Variants in KCNMA1 observed in about 807,000 individuals in gnomAD.
The protein encoded by KCNMA1 is Calcium-activated potassium channel subunit alpha-1.
In KCNMA1, 29 loss-of-function variants were observed where a neutral mutation model predicts 140.0. The ratio of observed to expected loss-of-function variants is 0.21; its 90% CI spans 0.15 to 0.28. The LOEUF (loss-of-function observed/expected upper bound fraction) is 0.28. Ranked by LOEUF, KCNMA1 falls within the 10% of genes least tolerant of loss-of-function variation. The pLI is 1.00. For synonymous variants in KCNMA1, 612 were observed against 611.9 expected, an observed-to-expected ratio of 1.00 and a Z score of 0.00; for missense variants, 880 against 1,602.2, an observed-to-expected ratio of 0.55 and a Z score of 7.70.
At chr10:77,315,315 T>A (rs1285659728) in intron 2 of KCNMA1, 1 of 152,220 alleles carries the variant, frequency 6.6e-6, no homozygotes, top group Non-Finnish European at 1.5e-5. Context: ...CTGTCTCTTA[T>A]TGCCCCCCAG....
At chr10:77,457,211 C>T (rs1323259163) in intron 1 of KCNMA1, among the ~76,000 whole-genome samples, 2 of 152,050 alleles carry the variant, frequency 1.3e-5, no homozygotes, top group African/African-American at 4.8e-5. Context: ...CTTTACCCCT[C>T]GTCTGTAGAC....
At chr10:77,176,403 G>A (rs371616263) in intron 5 of KCNMA1, among the ~76,000 whole-genome samples, 6 of 152,230 alleles carry the variant, frequency 3.9e-5, no homozygotes, top group Admixed American at 6.5e-5. Flanking sequence ...AGTAAGTTGC[G>A]TAAGAACAAC....
intron 1 of KCNMA1, among the ~76,000 whole-genome samples, chr10:77,577,978 C>A (rs1415954530): frequency 6.6e-6 from 1 of 152,248 alleles, no homozygotes; most frequent in African/African-American, 2.4e-5. Flanking sequence ...TAGCTCCCAG[C>A]ATGGCCAGCT....
intron 2 of KCNMA1, chr10:77,304,517 C>T (rs2077226672): frequency 6.6e-6 from 1 of 152,184 alleles, no homozygotes; most frequent in Non-Finnish European, 1.5e-5. Flanking sequence ...TGAAGGAGGA[C>T]CTTCTTCTTG....
chr10:76,966,419 T>C (rs1008035699), intron 20 of KCNMA1, among the ~76,000 whole-genome samples: 2 of 152,186 alleles, frequency 1.3e-5, no homozygotes, highest in Non-Finnish European at 2.9e-5. Flanking sequence ...AGGAATCCAT[T>C]AACCTGCTTC....
intron 3 of KCNMA1, among the ~76,000 whole-genome samples, chr10:77,248,678 AC>A (rs2059100645): frequency 6.6e-6 from 1 of 152,076 alleles, no homozygotes; most frequent in Admixed American, 6.5e-5. Flanking sequence ...CTACTTTCTC[AC>A]TTTCTTTCCA....
intron 14 of KCNMA1, among the ~76,000 whole-genome samples, chr10:77,045,107 T>C (rs1417784670): frequency 6.6e-6 from 1 of 152,214 alleles, no homozygotes; most frequent in African/African-American, 2.4e-5. Context: ...TTATACAAAA[T>C]GGAAACTTCC....
Position 76,944,765 on chromosome 10 carries a change from G to GTCC in KCNMA1, c.2902+5_2902+7dup, listed in dbSNP as rs2063490017. ...GCACAGCAAAGAAGTATTACAGGCT[G>GTCC]TCCTTACCTTGGGAATTAGCCTGCA... On this transcript the variant is annotated splice_region_variant and intron_variant, in intron 23 of 27. Transcript: ENST00000286628. 3 of 1,613,078 alleles carry GTCC rather than the reference G, an allele frequency of 1.9e-6. No individual in the cohort carries two copies. The East Asian group carries it at 6.7e-5, about 36-fold the overall frequency.
intron 1 of KCNMA1, among the ~76,000 whole-genome samples, chr10:77,566,357 T>C: frequency 6.6e-6 from 1 of 152,240 alleles, no homozygotes; most frequent in East Asian, 1.9e-4. Flanking sequence ...GAAGCACTTC[T>C]CGCCATGCGT....
At position 77,130,373 on chromosome 10, in the gene KCNMA1, T is replaced by C. The variant is rs188307994; in HGVS notation, c.809-9325A>G. ...GTAAGTGTTCTGAGCATGTTTAAGA[T>C]AGGGTAGGCTCAGCTGTGATGTTTG... is the stretch of plus-strand genomic sequence containing the variant. On this transcript the variant is annotated intron_variant, in intron 5 of 27. Coordinates refer to ENST00000286628, the MANE Select transcript of KCNMA1 (RefSeq NM_001161352.2). Among the ~76,000 whole-genome samples the C allele has an allele frequency of 1.2e-4, 19 of 152,288 alleles. No individual in the cohort carries two copies. The East Asian group carries it at 2.7e-3, about 22-fold the overall frequency.
chr10:77,437,846 G>A (rs956010378), intron 1 of KCNMA1, among the ~76,000 whole-genome samples: 2 of 152,116 alleles, frequency 1.3e-5, no homozygotes, highest in African/African-American at 4.8e-5. Flanking sequence ...TAAAGTAAGA[G>A]GCTGCATGCG....
At position 77,548,986 on chromosome 10, in the gene KCNMA1, C is replaced by T. The variant is rs533091430; in HGVS notation, c.378+88279G>A. Reference sequence around the variant, plus strand: ...CTTTGAAAAATCATGATGTGCTTCACTTGAGTCGTGGATGGTGATGCTATC... The same window carrying T: ...CTTTGAAAAATCATGATGTGCTTCATTTGAGTCGTGGATGGTGATGCTATC... On this transcript the variant is annotated intron_variant, in intron 1 of 27. Transcript: ENST00000286628. Among the ~76,000 whole-genome samples the T allele has an allele frequency of 5.3e-5, 8 of 152,328 alleles. No homozygotes were observed. In the East Asian group the frequency reaches 7.7e-4, roughly 15 times the overall value.
chr10:77,215,399 T>C (rs2047402868), intron 3 of KCNMA1, among the ~76,000 whole-genome samples: 2 of 122,032 alleles, frequency 1.6e-5, no homozygotes, highest in South Asian at 5.4e-4. Context: ...GTCTGTCTTT[T>C]ATTTTTGCTT....
intron 14 of KCNMA1, among the ~76,000 whole-genome samples, chr10:77,054,250 C>T (rs1460923981): frequency 6.6e-6 from 1 of 152,168 alleles, no homozygotes; most frequent in Non-Finnish European, 1.5e-5. Context: ...AAAAAAAATA[C>T]TCAACCACAG....
chr10:77,442,203 T>C (rs1031758863), intron 1 of KCNMA1, among the ~76,000 whole-genome samples: 4 of 152,112 alleles, frequency 2.6e-5, no homozygotes, highest in Non-Finnish European at 5.9e-5. Context: ...CATTCAGCCT[T>C]CACTCTCACC....
At chr10:77,534,713 TTAA>T (rs2058468473) in intron 1 of KCNMA1, among the ~76,000 whole-genome samples, 1 of 152,134 alleles carries the variant, frequency 6.6e-6, no homozygotes, top group Admixed American at 6.5e-5. Flanking sequence ...ACGACTACAG[TTAA>T]TAATAATTTA....
At chr10:77,228,971 G>A (rs1172755172) in intron 3 of KCNMA1, among the ~76,000 whole-genome samples, 2 of 152,250 alleles carry the variant, frequency 1.3e-5, no homozygotes, top group African/African-American at 4.8e-5. Context: ...TTATTTGAAA[G>A]ATGTGGCTGA....
At chr10:77,148,045 C>A (rs2098342151) in intron 5 of KCNMA1, among the ~76,000 whole-genome samples, 1 of 152,026 alleles carries the variant, frequency 6.6e-6, no homozygotes, top group Non-Finnish European at 1.5e-5. Context: ...TTGGGACTGA[C>A]CCTGCCTTTG....
At chr10:77,377,480 T>G (rs963006580) in intron 2 of KCNMA1, among the ~76,000 whole-genome samples, 1 of 152,066 alleles carries the variant, frequency 6.6e-6, no homozygotes, top group African/African-American at 2.4e-5. Context: ...GTCGACTAGA[T>G]GGGTCCCTCT....
Sources: gnomAD v4.1 joint callset for allele counts (sites outside exome capture counted in the v4.1 genomes callset) on GRCh38, gnomAD v4.1.1 for gene constraint, MANE v1.5 for transcripts, NCBI Gene and HGNC (gene_info 2026-07-23, HGNC 2026-07-21) for gene names.